The following WIPI2 variants were observed in gnomAD, a reference collection of about 807,000 sequenced individuals.
WIPI2 encodes the protein WD repeat domain phosphoinositide-interacting protein 2.
Under a neutral mutation model 52.3 loss-of-function variants are expected in WIPI2, and 28 were observed. The observed-to-expected ratio is 0.54, with a 90% CI of 0.40 to 0.73. WIPI2 has a LOEUF of 0.73. Ranked by LOEUF, WIPI2 falls within the 30% of genes least tolerant of loss-of-function variation. The pLI, the probability that WIPI2 is intolerant of heterozygous loss-of-function variation, is 0.00. For missense variants in WIPI2, 506 were observed against 602.9 expected, an observed-to-expected ratio of 0.84 and a Z score of 1.68; for synonymous variants, 268 against 245.0, an observed-to-expected ratio of 1.09 and a Z score of -0.88.
intron 2 of WIPI2, among the ~76,000 whole-genome samples, chr7:5,198,910 CT>C (rs1781881659): frequency 6.6e-6 from 1 of 152,190 alleles, no homozygotes; most frequent in South Asian, 2.1e-4. Flanking sequence ...AAATAGTTAC[CT>C]TTTTGTGACA....
At position 5,230,281 on chromosome 7, in the gene WIPI2, G is replaced by A. The variant is rs1309912200; in HGVS notation, c.1252+543G>A. On this transcript the variant is annotated intron_variant, in intron 12 of 12. Transcript: ENST00000288828. This position sits in a 1 kb window ranked among gnomAD's most constrained non-coding sequence, Gnocchi z 4.8. ...CTTCATGCTGGGCCTGTGAAGTGCA[G>A]AAGCTGTAGGGGAATGAGGCCAATG... is the stretch of plus-strand genomic sequence containing the variant. 6.6e-6 allele frequency among the ~76,000 whole-genome samples: 1 copy of A among 152,198 alleles called. No homozygotes were observed. Among genetic ancestry groups the A allele is most frequent in the Non-Finnish European group, 1.5e-5 (1 of 68,032 alleles).
chr7:5,208,084 A>G (rs1424798834), intron 3 of WIPI2, among the ~76,000 whole-genome samples: 1 of 152,096 alleles, frequency 6.6e-6, no homozygotes, highest in Non-Finnish European at 1.5e-5. Context: ...AACTTTTGAT[A>G]TTACTAGTTT....
chr7:5,200,022 G>A (rs961240175), intron 3 of WIPI2, among the ~76,000 whole-genome samples: 1 of 152,218 alleles, frequency 6.6e-6, no homozygotes, highest in African/African-American at 2.4e-5. Flanking sequence ...TACAGCCCCT[G>A]TAGGAACAAT....
At position 5,232,550 on chromosome 7, in the gene WIPI2, C is replaced by T. The variant is rs541812545; in HGVS notation, c.*1603C>T. 2.6e-5 allele frequency: 10 copies of T among 379,366 alleles called. No homozygotes were observed. Among genetic ancestry groups the T allele is most frequent in the Non-Finnish European group, 4.7e-5 (10 of 214,450 alleles). The allele number at this position is 379,366 out of a possible 1,614,324, so 23.5% of individuals were successfully genotyped here. On this transcript the variant is annotated 3_prime_UTR_variant, in exon 13 of 13. Transcript: ENST00000288828. The stretch of plus-strand genomic sequence containing the variant: ...ACCTTTGATGAAATGGGATCCCGGT[C>T]ACGCAGGCTGAGACAGTGGGGACCG...
intron 7 of WIPI2, among the ~76,000 whole-genome samples, chr7:5,221,112 C>T (rs1302783750): frequency 2.6e-5 from 4 of 151,848 alleles, no homozygotes; most frequent in African/African-American, 4.8e-5. Context: ...TACAGGCATG[C>T]GCCACCATGC....
chr7:5,227,357 G>T lies in WIPI2; in HGVS notation c.1013+13G>T, dbSNP rs201087277. On this transcript the variant is annotated intron_variant, in intron 10 of 12. Transcript: ENST00000288828. This position sits in a 1 kb window ranked among gnomAD's most constrained non-coding sequence, Gnocchi z 8.1. ...GCTCGCTAGCCACGTGAGTAGAGCC[G>T]GCGCCTCCGTCCCCCACCCCGTGTG... 1.2e-6 allele frequency: 2 copies of T among 1,610,228 alleles called. No individual in the cohort carries two copies. Among genetic ancestry groups the T allele is most frequent in the Non-Finnish European group, 8.5e-7 (1 of 1,179,544 alleles).
chr7:5,232,317 G>T lies in WIPI2; in HGVS notation c.*1370G>T. 2.5e-6 allele frequency: 1 copy of T among 398,656 alleles called. No homozygotes were observed. 24.7% of individuals were successfully genotyped at this position (398,656 alleles called of 1,614,324 possible). A position where few individuals can be genotyped will look rare whatever the true frequency, so the allele number is the denominator to read the frequency against. ...CTGGGCGAAGAGCTGGAGGGGAGTTGTCCCCTCAGCTGAGCGGCTGCGGTG... is the reference window on the plus strand; with the variant it reads ...CTGGGCGAAGAGCTGGAGGGGAGTTTTCCCCTCAGCTGAGCGGCTGCGGTG... On this transcript the variant is annotated 3_prime_UTR_variant, in exon 13 of 13. Transcript: ENST00000288828.
chr7:5,224,126 C>T (rs774314097), intron 8 of WIPI2, among the ~76,000 whole-genome samples: 14 of 152,262 alleles, frequency 9.2e-5, no homozygotes, highest in Admixed American at 6.5e-4. Context: ...CCCTTCCGCC[C>T]AGCCTGATTC....
At chr7:5,202,380 G>A (rs907005351) in intron 3 of WIPI2, among the ~76,000 whole-genome samples, 2 of 152,078 alleles carry the variant, frequency 1.3e-5, no homozygotes, top group Non-Finnish European at 2.9e-5. Flanking sequence ...GTTTATGGGC[G>A]CCTCATATAT....
intron 3 of WIPI2, among the ~76,000 whole-genome samples, chr7:5,213,737 G>A (rs1291974468): frequency 6.6e-6 from 1 of 152,180 alleles, no homozygotes; most frequent in Non-Finnish European, 1.5e-5. Flanking sequence ...CCAGGCTGGA[G>A]TGCAGTGGCG....
intron 7 of WIPI2, among the ~76,000 whole-genome samples, chr7:5,219,740 A>G (rs969045487): frequency 6.6e-6 from 1 of 152,228 alleles, no homozygotes; most frequent in East Asian, 1.9e-4. Flanking sequence ...ATTTTTGTAT[A>G]TGGATGCAGA....
At position 5,208,966 on chromosome 7, in the gene WIPI2, C is replaced by T. The variant is rs548098477; in HGVS notation, c.212-5569C>T. 7.0e-5 allele frequency among the ~76,000 whole-genome samples: 10 copies of T among 143,256 alleles called. No homozygotes were observed. The East Asian group carries it at 1.4e-3, about 21-fold the overall frequency. The allele number at this position is 143,256 out of a possible 152,430, so 94.0% of individuals were successfully genotyped here. On this transcript the variant is annotated intron_variant, in intron 3 of 12. Transcript: ENST00000288828. The stretch of plus-strand genomic sequence containing the variant: ...TGAGTACCCAGAATATGGTATATCT[C>T]TTCATTTATTTAGCTCTTTTTAAAT...
intron 1 of WIPI2, 49 bp downstream of exon 1, chr7:5,190,542 C>T (rs779046921): frequency 1.4e-6 from 2 of 1,427,108 alleles, no homozygotes; most frequent in Admixed American, 2.8e-5. Context: ...AGGGTCGGAC[C>T]CGGGCTAGGG....
At chr7:5,226,221 C>G (rs527394367) in intron 9 of WIPI2, 1 of 370,770 alleles carries the variant, frequency 2.7e-6, no homozygotes, top group Admixed American at 4.1e-5. Context: ...GGCCTCTCCT[C>G]AGGTTCCCCT....
chr7:5,218,708 G>A (rs1336439764), intron 7 of WIPI2: 1 of 152,254 alleles, frequency 6.6e-6, no homozygotes, highest in African/African-American at 2.4e-5. Flanking sequence ...ATGTCCCCGT[G>A]TACCTGTGAC....
At chr7:5,229,238 G>A (rs1000169238) in intron 11 of WIPI2, among the ~76,000 whole-genome samples, 9 of 151,708 alleles carry the variant, frequency 5.9e-5, no homozygotes, top group South Asian at 4.2e-4. Flanking sequence ...GATGGTCTCC[G>A]TCTCCTGACC....
chr7:5,198,307 C>G (rs1562385548), intron 2 of WIPI2, among the ~76,000 whole-genome samples: 2 of 151,486 alleles, frequency 1.3e-5, no homozygotes, highest in Admixed American at 6.6e-5. Flanking sequence ...TTAGAAAATT[C>G]ACTTACTTAA....
intron 2 of WIPI2, among the ~76,000 whole-genome samples, chr7:5,196,933 A>C (rs1464227231): frequency 6.6e-6 from 1 of 151,728 alleles, no homozygotes; most frequent in Non-Finnish European, 1.5e-5. Context: ...CCAACATGGT[A>C]AAACCCCATC....
At chr7:5,196,932 T>G (rs1340167915) in intron 2 of WIPI2, among the ~76,000 whole-genome samples, 1 of 151,364 alleles carries the variant, frequency 6.6e-6, no homozygotes, top group Non-Finnish European at 1.5e-5. Flanking sequence ...GCCAACATGG[T>G]AAAACCCCAT....
Sources: gnomAD v4.1 joint callset for allele counts (sites outside exome capture counted in the v4.1 genomes callset) on GRCh38, gnomAD v4.1.1 for gene constraint, Gnocchi (gnomAD v3.1) non-coding constraint, MANE v1.5 for transcripts, NCBI Gene and HGNC (gene_info 2026-07-23, HGNC 2026-07-21) for gene names.